The following NCKAP5 variants were observed in gnomAD, a reference collection of about 807,000 sequenced individuals.
NCKAP5 encodes nck-associated protein 5.
Under a neutral mutation model 167.0 loss-of-function variants are expected in NCKAP5, and 92 were observed. The observed-to-expected ratio is 0.55, with a 90% CI of 0.47 to 0.66. The LOEUF (loss-of-function observed/expected upper bound fraction) is 0.66. Ranked by LOEUF, NCKAP5 falls within the 30% of genes least tolerant of loss-of-function variation. The pLI is 0.00. For synonymous variants in NCKAP5, 891 were observed against 877.4 expected, an observed-to-expected ratio of 1.02 and a Z score of -0.27; for missense variants, 2,378 against 2,315.0, an observed-to-expected ratio of 1.03 and a Z score of -0.56.
intron 3 of NCKAP5, among the ~76,000 whole-genome samples, chr2:133,499,564 TTTTTTG>T (rs869293518): frequency 1.3e-5 from 2 of 151,878 alleles, no homozygotes; most frequent in South Asian, 2.1e-4. Flanking sequence ...TTGTTTTTTG[TTTTTTG>T]TTTTTTTGAG....
chr2:133,484,342 G>A (rs1575040685), intron 3 of NCKAP5, among the ~76,000 whole-genome samples: 1 of 152,200 alleles, frequency 6.6e-6, no homozygotes, highest in Non-Finnish European at 1.5e-5. Flanking sequence ...AAAGCAGAGA[G>A]AGTCCACTGC....
At chr2:132,991,000 G>T (rs1386793498) in intron 7 of NCKAP5, among the ~76,000 whole-genome samples, 6 of 152,210 alleles carry the variant, frequency 3.9e-5, no homozygotes, top group Non-Finnish European at 8.8e-5. Context: ...CCCAGGTTCA[G>T]ATCTCAGCAT....
At chr2:133,216,124 C>A (rs2086419329) in intron 4 of NCKAP5, among the ~76,000 whole-genome samples, 1 of 152,060 alleles carries the variant, frequency 6.6e-6, no homozygotes, top group Non-Finnish European at 1.5e-5. Flanking sequence ...ATATCACATT[C>A]ATGGATTGAA....
At chr2:132,941,500 G>A (rs1484438501) in intron 8 of NCKAP5, among the ~76,000 whole-genome samples, 1 of 151,960 alleles carries the variant, frequency 6.6e-6, no homozygotes, top group Non-Finnish European at 1.5e-5. Context: ...TTCCACTGGG[G>A]CGGCAGAACT....
At chr2:133,194,823 G>C (rs1406344108) in intron 5 of NCKAP5, among the ~76,000 whole-genome samples, 1 of 150,836 alleles carries the variant, frequency 6.6e-6, no homozygotes, top group South Asian at 2.1e-4. Flanking sequence ...TATTATGCTA[G>C]ATAAAAGAGC....
chr2:133,025,601 A>C (rs2078670114), intron 6 of NCKAP5, among the ~76,000 whole-genome samples: 1 of 152,158 alleles, frequency 6.6e-6, no homozygotes, highest in Non-Finnish European at 1.5e-5. Context: ...TGGCATCAAC[A>C]CTCCACTAAA....
chr2:133,075,642 C>T (rs2080575088), intron 6 of NCKAP5, among the ~76,000 whole-genome samples: 1 of 152,070 alleles, frequency 6.6e-6, no homozygotes, highest in African/African-American at 2.4e-5. Context: ...AATATCAACT[C>T]TAAGTAGACC....
intron 19 of NCKAP5, chr2:132,714,777 C>T (rs555371090): frequency 4.6e-6 from 2 of 430,182 alleles, no homozygotes; most frequent in South Asian, 1.7e-5. Flanking sequence ...CATGCCACTG[C>T]ACTCCAGTCT....
chr2:133,024,351 A>G (rs2078625765), intron 6 of NCKAP5, among the ~76,000 whole-genome samples: 1 of 152,228 alleles, frequency 6.6e-6, no homozygotes, highest in Non-Finnish European at 1.5e-5. Context: ...CAAGATATCA[A>G]ATGAGAATAA....
intron 5 of NCKAP5, among the ~76,000 whole-genome samples, chr2:133,135,003 C>T (rs1478042026): frequency 2.6e-5 from 4 of 151,504 alleles, no homozygotes. Context: ...CTGCTATGTG[C>T]CAAACACTGA....
chr2:133,208,918 G>A (rs2086082338), intron 5 of NCKAP5, among the ~76,000 whole-genome samples: 1 of 152,136 alleles, frequency 6.6e-6, no homozygotes, highest in Non-Finnish European at 1.5e-5. Flanking sequence ...AATTGATGCA[G>A]GTTGATATGA....
At chr2:133,671,880 A>G in the NCKAP5 span, among the ~76,000 whole-genome samples, 5 of 152,122 alleles carry the variant, frequency 3.3e-5, no homozygotes, top group East Asian at 9.6e-4. Flanking sequence ...CTGCTCCCCC[A>G]TTCCTTCTAC....
chr2:133,074,736 T>C (rs1037888971), intron 6 of NCKAP5, among the ~76,000 whole-genome samples: 2 of 152,048 alleles, frequency 1.3e-5, no homozygotes, highest in Non-Finnish European at 1.5e-5. Context: ...AGTAGCAGAA[T>C]AGAAATGGGA....
At chr2:133,522,563 A>G (rs1684558850) in intron 2 of NCKAP5, among the ~76,000 whole-genome samples, 1 of 152,230 alleles carries the variant, frequency 6.6e-6, no homozygotes, top group East Asian at 1.9e-4. Flanking sequence ...CCTAGGTAGT[A>G]TAACACCTAA....
intron 8 of NCKAP5, among the ~76,000 whole-genome samples, chr2:132,949,041 A>AAAGAAAAGAC (rs2076099099): frequency 6.9e-6 from 1 of 144,976 alleles, no homozygotes; most frequent in Admixed American, 6.9e-5. Context: ...AAAGAAAAGA[A>AAAGAAAAGAC]AAGAAAAGAA....
chr2:132,965,332 G>T (rs550678819), intron 7 of NCKAP5, among the ~76,000 whole-genome samples: 1 of 152,230 alleles, frequency 6.6e-6, no homozygotes, highest in Admixed American at 6.5e-5. Flanking sequence ...TTATAGCTTT[G>T]ATTTTTTAGG....
At chr2:133,536,940 A>C (rs1685810627) in intron 2 of NCKAP5, among the ~76,000 whole-genome samples, 2 of 151,980 alleles carry the variant, frequency 1.3e-5, no homozygotes, top group African/African-American at 4.8e-5. Context: ...TAGCTCTTAC[A>C]TTTAGGTCTA....
intron 5 of NCKAP5, among the ~76,000 whole-genome samples, chr2:133,170,495 G>A (rs2084199909): frequency 6.6e-6 from 1 of 152,132 alleles, no homozygotes; most frequent in African/African-American, 2.4e-5. Flanking sequence ...AAAGAATTCT[G>A]CAATGACTGT....
At chr2:133,217,029 T>C (rs1353317045) in intron 4 of NCKAP5, among the ~76,000 whole-genome samples, 1 of 152,130 alleles carries the variant, frequency 6.6e-6, no homozygotes, top group African/African-American at 2.4e-5. Flanking sequence ...GGATAGATTA[T>C]TCACCAACCG....
Sources: gnomAD v4.1 joint callset for allele counts (sites outside exome capture counted in the v4.1 genomes callset) on GRCh38, gnomAD v4.1.1 for gene constraint, MANE v1.5 for transcripts, NCBI Gene and HGNC (gene_info 2026-07-23, HGNC 2026-07-21) for gene names.